NBAS: variants seen among roughly 807,000 people sequenced by gnomAD.
NBAS encodes the protein NAG/BC035112 fusion.
A neutral mutation model predicts 302.5 loss-of-function variants in NBAS; 219 were observed. The ratio of observed to expected loss-of-function variants is 0.72; its 90% confidence interval spans 0.65 to 0.81. The LOEUF (loss-of-function observed/expected upper bound fraction) is 0.81, where lower values mean the gene tolerates loss of function less well. Ranked by LOEUF, NBAS falls within the 30% of genes least tolerant of loss-of-function variation. NBAS has a pLI of 0.00. For missense variants in NBAS, 2,932 were observed against 2,841.6 expected (o/e 1.03, Z -0.72); for synonymous variants, 1,118 against 1,021.6 (o/e 1.09, Z -1.80).
At position 15,439,031 on chromosome 2, in the gene NBAS, C is replaced by T. The variant is rs191303878; in HGVS notation, c.2340-11237G>A. On this transcript the variant is annotated intron_variant, in intron 21 of 51. Coordinates refer to ENST00000281513, the MANE Select transcript of NBAS (RefSeq NM_015909.4). ...TATTACCCGGCCGGGCACGGTGGCT[C>T]ATGCCTGTAATCCCAGCACTTTGGG... Among the ~76,000 whole-genome samples, 50 of 152,252 alleles carry T rather than the reference C, an allele frequency of 3.3e-4. 2 individuals are homozygous for T. In the East Asian group the frequency reaches 9.1e-3, roughly 28 times the overall value.
intron 31 of NBAS, among the ~76,000 whole-genome samples, chr2:15,371,722 T>C (rs564617428): frequency 6.6e-6 from 1 of 152,272 alleles, no homozygotes; most frequent in African/African-American, 2.4e-5. Flanking sequence ...ATTATTTCAG[T>C]TCCCAGAGTA....
chr2:15,432,110 C>T (rs1677794749), intron 21 of NBAS, among the ~76,000 whole-genome samples: 4 of 151,176 alleles, frequency 2.6e-5, no homozygotes, highest in Admixed American at 1.3e-4. Context: ...AGAAATCATA[C>T]TGTTCCTTCT....
At chr2:15,394,103 T>C (rs1437043303) in intron 28 of NBAS, 124 bp downstream of exon 28, 2 of 1,080,964 alleles carry the variant, frequency 1.9e-6, no homozygotes, top group African/African-American at 1.6e-5. Flanking sequence ...CAAATTATAC[T>C]TACACTTTAA....
Position 15,442,317 on chromosome 2 carries a change from G to A in NBAS, c.2340-14523C>T, listed in dbSNP as rs1169849472. Reference sequence around the variant, plus strand: ...AACAAACTATCTCTCAGACCACAGTGCAATCAAACTAGAACTCAGGATTAA... The same window carrying A: ...AACAAACTATCTCTCAGACCACAGTACAATCAAACTAGAACTCAGGATTAA... On this transcript the variant is annotated intron_variant, in intron 21 of 51. Transcript: ENST00000281513. 4.0e-5 allele frequency among the ~76,000 whole-genome samples: 6 copies of A among 149,624 alleles called. No homozygotes were observed. In the East Asian group the frequency reaches 1.2e-3, roughly 29 times the overall value.
intron 48 of NBAS, among the ~76,000 whole-genome samples, chr2:15,202,482 A>T (rs2147834129): frequency 6.6e-6 from 1 of 152,264 alleles, no homozygotes; most frequent in Non-Finnish European, 1.5e-5. Flanking sequence ...TCAATCATAT[A>T]GTGCCATGTG....
At chr2:15,505,227 A>G (rs1661786897) in intron 10 of NBAS, among the ~76,000 whole-genome samples, 1 of 152,200 alleles carries the variant, frequency 6.6e-6, no homozygotes, top group African/African-American at 2.4e-5. Flanking sequence ...GCAAATTGAA[A>G]AACACCCAGG....
At chr2:14,880,814 C>T in the NBAS span, among the ~76,000 whole-genome samples, 5 of 151,578 alleles carry the variant, frequency 3.3e-5, no homozygotes, top group East Asian at 5.8e-4. Flanking sequence ...TTAAAAAGAC[C>T]TACAATGTAC....
chr2:14,977,224 A>C, the NBAS span, among the ~76,000 whole-genome samples: 4 of 152,216 alleles, frequency 2.6e-5, no homozygotes, highest in Admixed American at 2.0e-4. Flanking sequence ...GTAGCCAAAA[A>C]GAGAGAGAGA....
At chr2:14,838,878 G>T in the NBAS span, among the ~76,000 whole-genome samples, 3 of 152,016 alleles carry the variant, frequency 2.0e-5, no homozygotes. Context: ...AACTAGGAAG[G>T]TATCTTAAAT....
At chr2:14,874,365 G>A in the NBAS span, among the ~76,000 whole-genome samples, 633 of 151,708 alleles carry the variant, frequency 4.2e-3, 8 homozygotes, top group African/African-American at 0.015. Context: ...GGTGGCTCAC[G>A]CCTGTAATCC....
At chr2:15,149,101 C>T in the NBAS span, among the ~76,000 whole-genome samples, 1 of 152,168 alleles carries the variant, frequency 6.6e-6, no homozygotes, top group South Asian at 2.1e-4. Flanking sequence ...AAACTTGCAT[C>T]CTCAATGTAA....
chr2:14,839,203 A>T, the NBAS span, among the ~76,000 whole-genome samples: 1 of 151,778 alleles, frequency 6.6e-6, no homozygotes, highest in South Asian at 2.1e-4. Context: ...TAGAAATTAA[A>T]AAAAACTCTG....
chr2:15,412,233 C>T (rs1676718777), intron 25 of NBAS, among the ~76,000 whole-genome samples: 1 of 152,138 alleles, frequency 6.6e-6, no homozygotes, highest in Non-Finnish European at 1.5e-5. Context: ...TAACATCAAG[C>T]TTGCCCATGA....
intron 25 of NBAS, among the ~76,000 whole-genome samples, chr2:15,406,624 C>T (rs1478911381): frequency 6.6e-6 from 1 of 151,696 alleles, no homozygotes. Flanking sequence ...GACAACTGAC[C>T]AACTGGGAGA....
chr2:14,984,598 C>T, the NBAS span, among the ~76,000 whole-genome samples: 4,009 of 152,256 alleles, frequency 0.026, 88 homozygotes, highest in Middle Eastern at 0.058. Context: ...AATACAACTG[C>T]TTATATGTCA....
chr2:15,081,128 A>G, the NBAS span, among the ~76,000 whole-genome samples: 1 of 152,170 alleles, frequency 6.6e-6, no homozygotes, highest in Non-Finnish European at 1.5e-5. Context: ...CTCTGGCTCA[A>G]GCAAAGCAAA....
At chr2:15,272,866 T>A (rs1192558888) in intron 44 of NBAS, among the ~76,000 whole-genome samples, 1 of 152,120 alleles carries the variant, frequency 6.6e-6, no homozygotes, top group Non-Finnish European at 1.5e-5. Flanking sequence ...TTGAAAGAAG[T>A]ATAAGGTTAA....
At chr2:15,466,806 ATG>A (rs1440391489) in intron 19 of NBAS, among the ~76,000 whole-genome samples, 1 of 151,974 alleles carries the variant, frequency 6.6e-6, no homozygotes, top group Non-Finnish European at 1.5e-5. Context: ...GTGTGGTGGC[ATG>A]TGCCTGTAGT....
intron 21 of NBAS, among the ~76,000 whole-genome samples, chr2:15,450,785 C>A (rs1678967910): frequency 1.3e-5 from 2 of 151,956 alleles, no homozygotes; most frequent in African/African-American, 4.8e-5. Context: ...ACTTATTTTT[C>A]TTTTTTTCAG....
Sources: gnomAD v4.1 joint callset for allele counts (sites outside exome capture counted in the v4.1 genomes callset) on GRCh38, gnomAD v4.1.1 for gene constraint, MANE v1.5 for transcripts, NCBI Gene and HGNC (gene_info 2026-07-23, HGNC 2026-07-21) for gene names.